Variants in TSHZ2 observed in about 807,000 individuals in gnomAD.
The protein encoded by TSHZ2 is teashirt homolog 2.
In TSHZ2, 21 loss-of-function variants were observed where a neutral mutation model predicts 74.4. The observed-to-expected ratio is 0.28, with a 90% CI of 0.20 to 0.41. TSHZ2 has a LOEUF of 0.41. Ranked by LOEUF, TSHZ2 falls within the 10% of genes least tolerant of loss-of-function variation. The pLI, the probability that TSHZ2 is intolerant of heterozygous loss-of-function variation, is 1.00. For synonymous variants in TSHZ2, 540 were observed against 515.3 expected (o/e 1.05, Z -0.65); for missense variants, 1,244 against 1,293.5 (o/e 0.96, Z 0.59).
chr20:53,001,199 C>A (rs1263692328), intron 1 of TSHZ2, among the ~76,000 whole-genome samples: 1 of 61,258 alleles, frequency 1.6e-5, no homozygotes, highest in African/African-American at 6.1e-5. Flanking sequence ...TGTGTGCGTT[C>A]ATGTGCGTGT....
chr20:53,040,964 T>C, intron 1 of TSHZ2, among the ~76,000 whole-genome samples: 1 of 152,096 alleles, frequency 6.6e-6, no homozygotes, highest in South Asian at 2.1e-4. Context: ...ATGAACCTGA[T>C]CTCCTGGCAT....
At chr20:53,120,812 A>G (rs1986787482) in intron 1 of TSHZ2, among the ~76,000 whole-genome samples, 1 of 152,232 alleles carries the variant, frequency 6.6e-6, no homozygotes, top group African/African-American at 2.4e-5. Flanking sequence ...AGTGCTATCA[A>G]GCCCTGAGTT....
chr20:53,130,256 AAAG>A (rs1987067700), intron 1 of TSHZ2, among the ~76,000 whole-genome samples: 1 of 152,106 alleles, frequency 6.6e-6, no homozygotes, highest in African/African-American at 2.4e-5. Flanking sequence ...AAAGAAAAGA[AAAG>A]AAAAGAAACA....
intron 1 of TSHZ2, among the ~76,000 whole-genome samples, chr20:53,018,937 C>T (rs1255415407): frequency 1.3e-5 from 2 of 152,184 alleles, no homozygotes; most frequent in African/African-American, 2.4e-5. Context: ...GTCATTAGTG[C>T]TATGAGACTG....
intron 1 of TSHZ2, among the ~76,000 whole-genome samples, chr20:53,000,609 CAG>C (rs1210378532): frequency 6.6e-6 from 1 of 151,976 alleles, no homozygotes; most frequent in African/African-American, 2.4e-5. Flanking sequence ...GGAGATAAAA[CAG>C]AAATCATGCA....
chr20:53,158,245 A>T (rs771203427), intron 1 of TSHZ2, among the ~76,000 whole-genome samples: 1 of 152,192 alleles, frequency 6.6e-6, no homozygotes, highest in Non-Finnish European at 1.5e-5. Flanking sequence ...CAGGGGGCAG[A>T]CTGTGCAGAA....
chr20:53,217,984 T>C (rs1183165412), intron 1 of TSHZ2, among the ~76,000 whole-genome samples: 4 of 152,164 alleles, frequency 2.6e-5, no homozygotes, highest in Admixed American at 2.6e-4. Flanking sequence ...CCCTGAACAA[T>C]ACAGACAAGT....
intron 2 of TSHZ2, among the ~76,000 whole-genome samples, chr20:53,454,935 G>A (rs746711157): frequency 1.1e-4 from 17 of 152,198 alleles, no homozygotes; most frequent in Middle Eastern, 3.4e-3. Flanking sequence ...CTGCCTGAGC[G>A]ACCACCCACT....
intron 1 of TSHZ2, among the ~76,000 whole-genome samples, chr20:53,214,353 G>T (rs1013567952): frequency 6.6e-6 from 1 of 152,196 alleles, no homozygotes; most frequent in Non-Finnish European, 1.5e-5. Context: ...ATGAAGCCGA[G>T]CAAGGGCTTA....
chr20:53,426,671 C>T (rs1200305220), intron 2 of TSHZ2, among the ~76,000 whole-genome samples: 1 of 152,114 alleles, frequency 6.6e-6, no homozygotes, highest in Non-Finnish European at 1.5e-5. Context: ...ATAAAGTATA[C>T]TTGACATATA....
At chr20:53,108,047 TG>T in intron 1 of TSHZ2, among the ~76,000 whole-genome samples, 1 of 152,350 alleles carries the variant, frequency 6.6e-6, no homozygotes, top group Middle Eastern at 3.4e-3. Context: ...CTCTTCCCCA[TG>T]GGGAGCTTGA....
At chr20:53,103,925 C>T (rs1025202362) in intron 1 of TSHZ2, among the ~76,000 whole-genome samples, 3 of 152,118 alleles carry the variant, frequency 2.0e-5, no homozygotes, top group Non-Finnish European at 4.4e-5. Flanking sequence ...AGATTTCACC[C>T]AAGAACATTT....
At chr20:53,093,164 G>A (rs754072041) in intron 1 of TSHZ2, among the ~76,000 whole-genome samples, 9 of 152,144 alleles carry the variant, frequency 5.9e-5, no homozygotes, top group Non-Finnish European at 8.8e-5. Context: ...AGTAAAATGG[G>A]ACCAATTATA....
At chr20:53,171,973 C>T (rs574643725) in intron 1 of TSHZ2, among the ~76,000 whole-genome samples, 3 of 151,648 alleles carry the variant, frequency 2.0e-5, no homozygotes, top group African/African-American at 7.2e-5. Flanking sequence ...TAAAGGGGAA[C>T]AAAAAAAGAA....
At chr20:53,167,206 G>A (rs1176528984) in intron 1 of TSHZ2, among the ~76,000 whole-genome samples, 1 of 152,232 alleles carries the variant, frequency 6.6e-6, no homozygotes, top group Non-Finnish European at 1.5e-5. Flanking sequence ...GCCAGCAGAG[G>A]CCAAGTCACA....
chr20:53,322,449 G>C (rs1049011470), intron 2 of TSHZ2, among the ~76,000 whole-genome samples: 2 of 151,814 alleles, frequency 1.3e-5, no homozygotes, highest in African/African-American at 4.8e-5. Context: ...AGAGGTGGAG[G>C]TTGCAATGAG....
chr20:53,379,218 T>TA (rs1365818351), intron 2 of TSHZ2, among the ~76,000 whole-genome samples: 1 of 151,904 alleles, frequency 6.6e-6, no homozygotes. Context: ...CCCGTCTCTA[T>TA]AAAAAATACA....
chr20:53,393,193 A>G (rs938829866), intron 2 of TSHZ2, among the ~76,000 whole-genome samples: 2 of 152,054 alleles, frequency 1.3e-5, no homozygotes, highest in East Asian at 1.9e-4. Flanking sequence ...TTCGATGTCT[A>G]TTGTCTCCTT....
chr20:53,101,306 A>G (rs1230335942), intron 1 of TSHZ2, among the ~76,000 whole-genome samples: 2 of 152,216 alleles, frequency 1.3e-5, no homozygotes, highest in Admixed American at 1.3e-4. Context: ...CGTCACCAAA[A>G]TTATTGATTT....
Sources: allele counts gnomAD v4.1 joint callset (sites outside exome capture counted in the v4.1 genomes callset), GRCh38; gene constraint gnomAD v4.1.1; transcripts MANE v1.5; gene names NCBI Gene and HGNC (gene_info 2026-07-23, HGNC 2026-07-21).